The following FAIM2 variants were observed in gnomAD, a reference collection of about 807,000 sequenced individuals.
FAIM2 encodes the protein protein lifeguard 2.
A neutral mutation model predicts 47.4 loss-of-function variants in FAIM2; 27 were observed. The observed-to-expected ratio is 0.57, with a 90% CI of 0.42 to 0.78. The LOEUF is 0.78. Ranked by LOEUF, FAIM2 falls within the 30% of genes least tolerant of loss-of-function variation. The pLI, the probability that FAIM2 is intolerant of heterozygous loss-of-function variation, is 0.00. For missense variants in FAIM2, 311 were observed against 389.4 expected, an observed-to-expected ratio of 0.80 and a Z score of 1.69; for synonymous variants, 156 against 159.3, an observed-to-expected ratio of 0.98 and a Z score of 0.16.
At chr12:49,880,340 TTGTG>T (rs369440270) in intron 11 of FAIM2, among the ~76,000 whole-genome samples, 136 of 147,082 alleles carry the variant, frequency 9.2e-4, no homozygotes, top group African/African-American at 3.4e-3. Flanking sequence ...GTGTGCATGT[TTGTG>T]TATGTGCATG....
intron 11 of FAIM2, among the ~76,000 whole-genome samples, chr12:49,881,301 C>T (rs1946824159): frequency 6.6e-6 from 1 of 152,178 alleles, no homozygotes; most frequent in South Asian, 2.1e-4. Flanking sequence ...TTCTTAGCAA[C>T]TGTCAGTGGC....
intron 11 of FAIM2, among the ~76,000 whole-genome samples, chr12:49,880,474 G>A (rs1308428135): frequency 7.2e-6 from 1 of 139,008 alleles, no homozygotes; most frequent in South Asian, 2.3e-4. Flanking sequence ...GTGTGCATGA[G>A]TGCATGTGTA....
At chr12:49,882,091 C>T (rs927809731) in intron 11 of FAIM2, among the ~76,000 whole-genome samples, 3 of 152,232 alleles carry the variant, frequency 2.0e-5, no homozygotes, top group African/African-American at 7.2e-5. Context: ...TCTCTTCACC[C>T]CACTCTTGCA....
intron 11 of FAIM2, among the ~76,000 whole-genome samples, chr12:49,882,283 T>C (rs1403904730): frequency 3.9e-5 from 6 of 152,056 alleles, no homozygotes; most frequent in African/African-American, 9.7e-5. Flanking sequence ...AGTTATGGGA[T>C]AGGCTGGAGC....
Position 49,868,062 on chromosome 12 carries a change from C to G in FAIM2, c.*2442G>C, listed in dbSNP as rs1446882924. On this transcript the variant is annotated 3_prime_UTR_variant, in exon 12 of 12. Transcript: ENST00000320634. ...TTGGCACTCAGCCCTGAATAAGCTTCTAAATCCCCAGTTTCTGCAGTAACT... is the reference window on the plus strand; with the variant it reads ...TTGGCACTCAGCCCTGAATAAGCTTGTAAATCCCCAGTTTCTGCAGTAACT... 1 of 153,612 alleles carries G rather than the reference C, an allele frequency of 6.5e-6. No individual in the cohort carries two copies. The highest frequency in any genetic ancestry group is 1.9e-4 in the East Asian group (1 of 5,344). The allele number at this position is 153,612 out of a possible 1,614,324, so 9.5% of individuals were successfully genotyped here. A position where few individuals can be genotyped will look rare whatever the true frequency, so the allele number is the denominator to read the frequency against.
chr12:49,878,827 TGA>T lies in FAIM2; in HGVS notation c.802-8176_802-8175del, dbSNP rs1232947498. Among the ~76,000 whole-genome samples the T allele has an allele frequency of 7.4e-5, 5 of 67,414 alleles. 1 individual carries two copies. The highest frequency in any genetic ancestry group is 9.5e-4 in the South Asian group (2 of 2,114). The allele number at this position is 67,414 out of a possible 152,430, so 44.2% of individuals were successfully genotyped here. A position where few individuals can be genotyped will look rare whatever the true frequency, so the allele number is the denominator to read the frequency against. ...GTGTGCATGTGAATGTGTGTATATG[TGA>T]GTGTATGTGTGTGCATGTGTGTATG... On this transcript the variant is annotated intron_variant, in intron 11 of 11. Transcript: ENST00000320634.
intron 1 of FAIM2, 55 bp from the exon 2 acceptor site, chr12:49,901,380 C>A: frequency 1.5e-6 from 2 of 1,331,804 alleles, no homozygotes; most frequent in Non-Finnish European, 2.0e-6. Context: ...AGCCTTCCAA[C>A]TCCTCCTCCT....
chr12:49,870,691 C>T (rs1181745628), intron 11 of FAIM2, 38 bp from the exon 12 acceptor site: 3 of 1,607,982 alleles, frequency 1.9e-6, no homozygotes, highest in Non-Finnish European at 2.6e-6. Flanking sequence ...AGGTCAGAGG[C>T]CCAGGCAGTG....
rs1029183848 is a variant in FAIM2 at position 49,878,768 on chromosome 12, G to C, written c.802-8115C>G. Among the ~76,000 whole-genome samples the C allele has an allele frequency of 4.1e-4, 47 of 115,594 alleles. 3 individuals are homozygous for C. Among genetic ancestry groups the C allele is most frequent in the Non-Finnish European group, 6.6e-4 (39 of 59,434 alleles). 75.8% of individuals were successfully genotyped at this position (115,594 alleles called of 152,430 possible). A position where few individuals can be genotyped will look rare whatever the true frequency, so the allele number is the denominator to read the frequency against. On this transcript the variant is annotated intron_variant, in intron 11 of 11. Transcript: ENST00000320634. The stretch of plus-strand genomic sequence containing the variant: ...TATGCATATGTGTATATATTTATTT[G>C]TGTGCATGAGTGTATGTGTGCCTGT...
At chr12:49,877,171 C>T (rs1946742225) in intron 11 of FAIM2, among the ~76,000 whole-genome samples, 1 of 152,194 alleles carries the variant, frequency 6.6e-6, no homozygotes, top group African/African-American at 2.4e-5. Context: ...TCCCTCAGTC[C>T]CCCACCCCAG....
intron 11 of FAIM2, among the ~76,000 whole-genome samples, chr12:49,875,849 A>C (rs1355601661): frequency 1.3e-5 from 2 of 151,994 alleles, no homozygotes; most frequent in Non-Finnish European, 2.9e-5. Context: ...GGTGGTGGGC[A>C]CCTGTAATCC....
chr12:49,880,650 CTG>C (rs564270641), intron 11 of FAIM2, among the ~76,000 whole-genome samples: 36 of 148,294 alleles, frequency 2.4e-4, no homozygotes, highest in African/African-American at 6.7e-4. Context: ...GCATGTGTAT[CTG>C]TGAGTGCATG....
At chr12:49,882,067 C>T (rs1231427092) in intron 11 of FAIM2, among the ~76,000 whole-genome samples, 1 of 152,212 alleles carries the variant, frequency 6.6e-6, no homozygotes, top group Non-Finnish European at 1.5e-5. Context: ...GGGTCTGGGG[C>T]CTCCTCCTAC....
intron 11 of FAIM2, among the ~76,000 whole-genome samples, chr12:49,880,694 ATG>A (rs1400521830): frequency 1.4e-4 from 21 of 147,316 alleles, no homozygotes; most frequent in South Asian, 2.2e-4. Flanking sequence ...ATGTGTATGC[ATG>A]TGAGTCCATG....
rs1009356822 is a variant in FAIM2, at chr12:49,897,220, G to A, written c.381-136C>T. 8 of 778,372 alleles carry A rather than the reference G, an allele frequency of 1.0e-5. No individual in the cohort carries two copies. The Admixed American group carries it at 1.4e-4, about 14-fold the overall frequency. The allele number at this position is 778,372 out of a possible 1,614,324, so 48.2% of individuals were successfully genotyped here. On this transcript the variant is annotated intron_variant, in intron 4 of 11. Coordinates refer to ENST00000320634, the MANE Select transcript of FAIM2 (RefSeq NM_012306.4). ...AAGGAATGCAGCCCCTGGAGGCTCGGGGAGTCCCAGCCCACAGTCCCCGGC... is the reference window on the plus strand; with the variant it reads ...AAGGAATGCAGCCCCTGGAGGCTCGAGGAGTCCCAGCCCACAGTCCCCGGC...
chr12:49,878,887 T>A (rs116857001), intron 11 of FAIM2, among the ~76,000 whole-genome samples: 1 of 116,630 alleles, frequency 8.6e-6, no homozygotes, highest in Non-Finnish European at 1.7e-5. Context: ...TGTATGCATG[T>A]GTATATGTGC....
chr12:49,903,622 C>T (rs1196758403), intron 1 of FAIM2, among the ~76,000 whole-genome samples, 156 bp downstream of exon 1: 1 of 152,168 alleles, frequency 6.6e-6, no homozygotes, highest in Non-Finnish European at 1.5e-5. Flanking sequence ...TCCTTGACAC[C>T]GGCCTTTCGG....
At chr12:49,872,132 C>T (rs575617260) in intron 11 of FAIM2, among the ~76,000 whole-genome samples, 40 of 152,230 alleles carry the variant, frequency 2.6e-4, no homozygotes, top group African/African-American at 5.5e-4. Context: ...GCAAAAGAGA[C>T]GAGAAACACA....
chr12:49,879,751 CATGT>C (rs367822731), intron 11 of FAIM2, among the ~76,000 whole-genome samples: 16 of 129,920 alleles, frequency 1.2e-4, no homozygotes, highest in Admixed American at 4.5e-4. Flanking sequence ...AATGTGTATG[CATGT>C]ATGTGTGTGC....
Sources: allele counts gnomAD v4.1 joint callset (sites outside exome capture counted in the v4.1 genomes callset), GRCh38; gene constraint gnomAD v4.1.1; transcripts MANE v1.5; gene names NCBI Gene and HGNC (gene_info 2026-07-23, HGNC 2026-07-21).